PTPRM: variants seen among roughly 807,000 people sequenced by gnomAD.
PTPRM encodes receptor-type tyrosine-protein phosphatase mu.
In PTPRM, 47 loss-of-function variants were observed where a neutral mutation model predicts 186.7. The observed-to-expected ratio is 0.25, with a 90% CI of 0.20 to 0.32. PTPRM has a LOEUF of 0.32. Ranked by LOEUF, PTPRM falls within the 10% of genes least tolerant of loss-of-function variation. The pLI is 1.00. For synonymous variants in PTPRM, 668 were observed against 674.9 expected, an observed-to-expected ratio of 0.99 and a Z score of 0.16; for missense variants, 1,494 against 1,865.0, an observed-to-expected ratio of 0.80 and a Z score of 3.66.
chr18:8,370,758 G>C, intron 23 of PTPRM, 132 bp from the exon 24 acceptor site: 2 of 541,600 alleles, frequency 3.7e-6, no homozygotes. Context: ...ACAAAAAATA[G>C]ACCTTCCTCT....
intron 4 of PTPRM, among the ~76,000 whole-genome samples, chr18:7,925,042 A>G (rs1207055210): frequency 5.3e-5 from 8 of 152,218 alleles, no homozygotes; most frequent in Non-Finnish European, 1.0e-4. Flanking sequence ...TGAGTACTCA[A>G]TGGAAAAGTT....
chr18:7,929,992 C>T (rs78458097), intron 5 of PTPRM, among the ~76,000 whole-genome samples: 4,298 of 152,274 alleles, frequency 0.028, 207 homozygotes, highest in African/African-American at 0.099. Flanking sequence ...ATTCGAATCT[C>T]TCTCAAGAGT....
intron 1 of PTPRM, among the ~76,000 whole-genome samples, chr18:7,575,631 A>G (rs1356271545): frequency 6.6e-6 from 1 of 152,178 alleles, no homozygotes; most frequent in African/African-American, 2.4e-5. Flanking sequence ...AGTAGTATAT[A>G]TTTGCCAACT....
At chr18:8,113,257 CTAAA>C (rs1225361507) in intron 11 of PTPRM, among the ~76,000 whole-genome samples, 1 of 152,176 alleles carries the variant, frequency 6.6e-6, no homozygotes, top group East Asian at 1.9e-4. Flanking sequence ...GTTTCTCTCA[CTAAA>C]TAGTGTTGTT....
In PTPRM at chr18:8,326,699, TTAA is replaced by T. The variant is rs148801990; in HGVS notation, c.2956+7488_2956+7490del. Among the ~76,000 whole-genome samples the T allele has an allele frequency of 4.2e-3, 636 of 152,266 alleles. 8 individuals carry two copies. The highest frequency in any genetic ancestry group is 0.015 in the African/African-American group (611 of 41,572). On this transcript the variant is annotated intron_variant, in intron 22 of 32. Coordinates refer to ENST00000580170, the MANE Select transcript of PTPRM (RefSeq NM_001105244.2). ...GCAATGGGGAAAGGACTCCCCATTA[TTAA>T]TATTATTGAATAATAAATGGTGCTG... is the stretch of plus-strand genomic sequence containing the variant.
intron 7 of PTPRM, among the ~76,000 whole-genome samples, chr18:7,997,794 T>C (rs1413024824): frequency 6.6e-6 from 1 of 152,118 alleles, no homozygotes; most frequent in Non-Finnish European, 1.5e-5. Context: ...ACATCACCAA[T>C]CATTAGAGAA....
intron 7 of PTPRM, among the ~76,000 whole-genome samples, chr18:8,030,016 G>A (rs2085857270): frequency 6.6e-6 from 1 of 152,176 alleles, no homozygotes; most frequent in South Asian, 2.1e-4. Context: ...GAAGTAAACA[G>A]CGCAGACCAA....
At chr18:7,652,492 TGGAACCA>T (rs2038736671) in intron 1 of PTPRM, among the ~76,000 whole-genome samples, 1 of 151,876 alleles carries the variant, frequency 6.6e-6, no homozygotes, top group African/African-American at 2.4e-5. Context: ...AGCAAAGACT[TGGAACCA>T]ACCCAAATGT....
At chr18:7,862,035 G>A (rs1386546130) in intron 2 of PTPRM, among the ~76,000 whole-genome samples, 4 of 152,122 alleles carry the variant, frequency 2.6e-5, no homozygotes, top group Non-Finnish European at 5.9e-5. Flanking sequence ...TGAGCATTTA[G>A]AACATGAATT....
chr18:8,238,124 T>C lies in PTPRM; in HGVS notation c.2301-5934T>C, dbSNP rs78470063. 1.6e-3 allele frequency among the ~76,000 whole-genome samples: 244 copies of C among 152,354 alleles called. 4 individuals are homozygous for C. In the East Asian group the frequency reaches 0.021, roughly 13 times the overall value. ...AATAACTGGAAAAATCCAAAATGTT[T>C]GGAAGATAAATGACATGCTTTAAAC... On this transcript the variant is annotated intron_variant, in intron 14 of 32. Transcript: ENST00000580170.
rs1319537131 is a variant in PTPRM at position 8,244,116 on chromosome 18, A to G, written c.2359A>G (p.Met787Val). Reference sequence around the variant, plus strand: ...CAGCACCCGACAGGAGATGACTGTGATGGTGAACTCAATGGACAAGAGCTA... The same window carrying G: ...CAGCACCCGACAGGAGATGACTGTGGTGGTGAACTCAATGGACAAGAGCTA... ...MSSTRQEMTV[M>V]VNSMDKSYAE... Residue 787 changes from methionine (M) to valine (V), a missense_variant, in exon 15 of 33, where the codon ATG becomes GTG. Met to Val is a conservative substitution (Grantham distance 21). Around this residue, in one of 3 missense-constraint regions of PTPRM, gnomAD observed 1,107 missense variants for 1,350.2 expected, o/e 0.82. Transcript: ENST00000580170. 2 of 1,609,350 alleles carry G rather than the reference A, an allele frequency of 1.2e-6. No homozygotes were observed. The highest frequency in any genetic ancestry group is 1.7e-6 in the Non-Finnish European group (2 of 1,178,658).
intron 7 of PTPRM, among the ~76,000 whole-genome samples, chr18:7,995,097 C>A (rs10164212): frequency 6.6e-6 from 1 of 151,442 alleles, no homozygotes. Context: ...ACAGAAAAGA[C>A]CCAAAAAAAA....
At chr18:7,831,307 A>G (rs1168573323) in intron 2 of PTPRM, among the ~76,000 whole-genome samples, 1 of 152,122 alleles carries the variant, frequency 6.6e-6, no homozygotes, top group African/African-American at 2.4e-5. Context: ...TAAAAAATAT[A>G]TTTATTTTCT....
At chr18:8,403,213 G>A (rs1360430695) in intron 32 of PTPRM, 1 of 152,196 alleles carries the variant, frequency 6.6e-6, no homozygotes, top group Non-Finnish European at 1.5e-5. Flanking sequence ...CCACCCAGTT[G>A]CAGTTCCACC....
At chr18:7,951,461 G>A (rs1171522569) in intron 6 of PTPRM, among the ~76,000 whole-genome samples, 1 of 152,048 alleles carries the variant, frequency 6.6e-6, no homozygotes, top group African/African-American at 2.4e-5. Context: ...AAGTTAATTT[G>A]TTGGAAGTTA....
intron 22 of PTPRM, among the ~76,000 whole-genome samples, chr18:8,332,201 A>G (rs1028768230): frequency 1.3e-5 from 2 of 152,360 alleles, no homozygotes; most frequent in Non-Finnish European, 2.9e-5. Context: ...TAAACATTTC[A>G]TAATCATTTT....
intron 24 of PTPRM, among the ~76,000 whole-genome samples, chr18:8,375,690 C>A (rs1455768949): frequency 6.6e-6 from 1 of 152,336 alleles, no homozygotes; most frequent in East Asian, 1.9e-4. Flanking sequence ...TCTCTACAGA[C>A]TCTCACCTCA....
chr18:7,933,615 A>T (rs1418600192), intron 5 of PTPRM, among the ~76,000 whole-genome samples: 1 of 152,232 alleles, frequency 6.6e-6, no homozygotes, highest in African/African-American at 2.4e-5. Context: ...CTTGTCACAT[A>T]GCAAAATGCT....
chr18:8,209,509 T>G (rs1288572692), intron 14 of PTPRM, among the ~76,000 whole-genome samples: 1 of 152,008 alleles, frequency 6.6e-6, no homozygotes, highest in East Asian at 1.9e-4. Context: ...TGAGGAGAAA[T>G]TAAGAAGTCG....
Sources: gnomAD v4.1 joint callset for allele counts (sites outside exome capture counted in the v4.1 genomes callset) on GRCh38, gnomAD v4.1.1 for gene constraint, gnomAD v4.1.1 regional missense constraint, MANE v1.5 for transcripts, NCBI Gene and HGNC (gene_info 2026-07-23, HGNC 2026-07-21) for gene names.